ABCA5: variants seen among roughly 807,000 people sequenced by gnomAD.
ABCA5 encodes the protein ATP binding cassette subfamily A member 5, also known as cholesterol transporter ABCA5.
A neutral mutation model predicts 206.0 loss-of-function variants in ABCA5; 163 were observed. The ratio of observed to expected loss-of-function variants is 0.79; its 90% CI spans 0.70 to 0.90. ABCA5 has a LOEUF of 0.90. Ranked by LOEUF, ABCA5 falls within the 40% of genes least tolerant of loss-of-function variation. The pLI, the probability that ABCA5 is intolerant of heterozygous loss-of-function variation, is 0.00. For synonymous variants in ABCA5, 609 were observed against 613.8 expected (o/e 0.99, Z 0.11); for missense variants, 1,859 against 1,912.9 (o/e 0.97, Z 0.53).
At position 69,301,476 on chromosome 17, in the gene ABCA5, G is replaced by A. The variant is rs79001967; in HGVS notation, c.1120-190C>T. 1.9e-3 allele frequency among the ~76,000 whole-genome samples: 294 copies of A among 152,148 alleles called. 2 individuals carry two copies. The highest frequency in any genetic ancestry group is 6.7e-3 in the African/African-American group (278 of 41,530). ...CAATAAAGACTTTACAAAAATGTAA[G>A]TTTATCAAACCAATTCCTTTCAATC... On this transcript the variant is annotated intron_variant, in intron 8 of 38. Transcript: ENST00000392676.
rs1377577578 is a variant in ABCA5, at chr17:69,260,372, T to C, written c.3605A>G (p.Asn1202Ser). The change falls in exon 27 of 39, where the codon AAT (asparagine) becomes AGT (serine). Residue 1202 changes from asparagine to serine, a missense_variant. Physicochemically the swap from Asn to Ser is conservative, Grantham distance 46. Coordinates refer to ENST00000392676, the MANE Select transcript of ABCA5 (RefSeq NM_172232.4). ...AGCTACTGAAAGCCTATCCCATGGA[T>C]TATAGGTGTCCACATTTTTTCGTAC... ...KNVRKNVDTY[N>S]PWDRLSVAVI... 1 of 1,608,778 alleles carries C rather than the reference T, an allele frequency of 6.2e-7. No homozygotes were observed.
chr17:69,256,796 A>G (rs2075088424), intron 28 of ABCA5, among the ~76,000 whole-genome samples: 1 of 152,026 alleles, frequency 6.6e-6, no homozygotes, highest in African/African-American at 2.4e-5. Context: ...TTTGGACGAT[A>G]TTATCTAAAT....
rs143827956 is a variant in ABCA5 at position 69,303,636 on chromosome 17, A to C, written c.931-730T>G. On this transcript the variant is annotated intron_variant, in intron 7 of 38. Coordinates refer to ENST00000392676, the MANE Select transcript of ABCA5 (RefSeq NM_172232.4). ...AAAACAGTTTAAAAAGAAAAAAAAAACCAGAAGGCCTGCTGCAGTGGCTCG... is the reference window on the plus strand; with the variant it reads ...AAAACAGTTTAAAAAGAAAAAAAAACCCAGAAGGCCTGCTGCAGTGGCTCG... Among the ~76,000 whole-genome samples the C allele has an allele frequency of 1.3e-4, 18 of 143,456 alleles. No individual in the cohort carries two copies. In the South Asian group the frequency reaches 1.8e-3, roughly 14 times the overall value. 94.1% of individuals were successfully genotyped at this position (143,456 alleles called of 152,430 possible). A position where few individuals can be genotyped will look rare whatever the true frequency, so the allele number is the denominator to read the frequency against.
intron 23 of ABCA5, among the ~76,000 whole-genome samples, chr17:69,267,247 C>T (rs2075220692): frequency 6.6e-6 from 1 of 152,012 alleles, no homozygotes. Context: ...TTAATTTAGA[C>T]AAATTTGTTT....
At chr17:69,282,409 T>A (rs2075403945) in intron 18 of ABCA5, among the ~76,000 whole-genome samples, 1 of 152,114 alleles carries the variant, frequency 6.6e-6, no homozygotes, top group African/African-American at 2.4e-5. Flanking sequence ...GTGAGTAACT[T>A]CCAAATCTGT....
chr17:69,278,560 G>A (rs1231864139), intron 18 of ABCA5, among the ~76,000 whole-genome samples: 1 of 152,122 alleles, frequency 6.6e-6, no homozygotes, highest in Non-Finnish European at 1.5e-5. Context: ...GGATTACTGA[G>A]GTTGTACATG....
At chr17:69,307,167 T>G (rs550070474) in intron 5 of ABCA5, among the ~76,000 whole-genome samples, 1 of 152,018 alleles carries the variant, frequency 6.6e-6, no homozygotes, top group African/African-American at 2.4e-5. Flanking sequence ...ACCATAAAGT[T>G]TAAAGTTTAA....
Position 69,301,280 on chromosome 17 carries a change from G to C in ABCA5, c.1126C>G (p.His376Asp). ...TFVIGIAQVM[H>D]LEDFNEGASF... Reference sequence around the variant, plus strand: ...GCACCTTCATTAAAATCTTCTAAATGCATGACCTGAAAAATACAAACACTA... The same window carrying C: ...GCACCTTCATTAAAATCTTCTAAATCCATGACCTGAAAAATACAAACACTA... Residue 376 changes from histidine to aspartate, a missense_variant, in exon 9 of 39, where the codon CAT (histidine) becomes GAT (aspartate). By Grantham distance (81) the His-to-Asp change is moderately conservative. Transcript: ENST00000392676. The C allele has an allele frequency of 6.3e-7, 1 of 1,585,642 alleles. No homozygotes were observed. Among genetic ancestry groups the C allele is most frequent in the Non-Finnish European group, 8.5e-7 (1 of 1,173,300 alleles).
rs1393600443 is a variant in ABCA5, at chr17:69,326,676, G to A, written c.-16+376C>T. ...TATTTGTTTTCCTTCTTTCCCTGAG[G>A]TTGCTGAGGGTGGAACGACAGCGTC... On this transcript the variant is annotated intron_variant, in intron 1 of 38. Transcript: ENST00000392676. This position sits in a 1 kb window ranked among gnomAD's most constrained non-coding sequence, Gnocchi z 4.8. Among the ~76,000 whole-genome samples the A allele has an allele frequency of 6.6e-6, 1 of 152,184 alleles. No individual in the cohort carries two copies. The highest frequency in any genetic ancestry group is 1.5e-5 in the Non-Finnish European group (1 of 68,032).
chr17:69,269,408 T>G (rs2075247197), intron 22 of ABCA5, among the ~76,000 whole-genome samples: 1 of 152,198 alleles, frequency 6.6e-6, no homozygotes, highest in African/African-American at 2.4e-5. Flanking sequence ...GTTTGAAATA[T>G]TTCATAATAT....
At chr17:69,261,091 T>G (rs2075141658) in intron 26 of ABCA5, 34 bp downstream of exon 26, 2 of 1,481,884 alleles carry the variant, frequency 1.3e-6, no homozygotes, top group Non-Finnish European at 1.8e-6. Flanking sequence ...TTATTTTATG[T>G]TTTTTAACAT....
At chr17:69,301,110 A>G (rs2075647869) in intron 9 of ABCA5, 29 bp downstream of exon 9, 3 of 1,490,162 alleles carry the variant, frequency 2.0e-6, no homozygotes, top group South Asian at 1.5e-5. Context: ...AAAAATCTTT[A>G]AAGTAAAATT....
intron 5 of ABCA5, among the ~76,000 whole-genome samples, chr17:69,307,824 C>A (rs999697130): frequency 1.3e-5 from 2 of 152,074 alleles, no homozygotes; most frequent in South Asian, 4.1e-4. Flanking sequence ...TTCATACATA[C>A]TTTAAACGTA....
Position 69,246,317 on chromosome 17 carries a change from T to C in ABCA5, c.*1220A>G, listed in dbSNP as rs1001931215. The stretch of plus-strand genomic sequence containing the variant: ...TAATCACACTCTCAATATATTTGTT[T>C]TATGAAGTTAATACTTTCATTTGGT... On this transcript the variant is annotated 3_prime_UTR_variant, in exon 39 of 39. Coordinates refer to ENST00000392676, the MANE Select transcript of ABCA5 (RefSeq NM_172232.4). 6.6e-6 allele frequency: 1 copy of C among 152,020 alleles called. No individual in the cohort carries two copies. Among genetic ancestry groups the C allele is most frequent in the East Asian group, 1.9e-4 (1 of 5,208 alleles). 9.4% of individuals were successfully genotyped at this position (152,020 alleles called of 1,614,324 possible).
In ABCA5 at chr17:69,271,646, GCTGCTGCTGCTGCCACCA is replaced by G. The variant is rs1191077198; in HGVS notation, c.2765-375_2765-358del. Among the ~76,000 whole-genome samples, 6 of 151,158 alleles carry G rather than the reference GCTGCTGCTGCTGCCACCA, an allele frequency of 4.0e-5. No homozygotes were observed. In the East Asian group the frequency reaches 7.8e-4, roughly 20 times the overall value. ...AGTAACTGCGCATATTTTAGCTGCT[GCTGCTGCTGCTGCCACCA>G]CTGCTGCTGCTGCTACAACTATTAT... On this transcript the variant is annotated intron_variant, in intron 20 of 38. Transcript: ENST00000392676.
At chr17:69,277,529 G>A (rs573871587) in intron 19 of ABCA5, 112 bp downstream of exon 19, 70 of 832,278 alleles carry the variant, frequency 8.4e-5, no homozygotes, top group Middle Eastern at 7.4e-4. Context: ...GTAATCTTTC[G>A]AAACTATATA....
In ABCA5 at chr17:69,277,791, G is replaced by T; in HGVS notation, c.2444C>A (p.Ser815Tyr). 1.9e-6 allele frequency: 3 copies of T among 1,582,134 alleles called. No individual in the cohort carries two copies. The highest frequency in any genetic ancestry group is 1.4e-5 in the African/African-American group (1 of 73,398). ...TAAGCTCTGTTCCATTTCATCAAAA[G>T]ATTTTGAATCCATTTCTTCCTCCAG... ...QPLEEEMDSK[S>Y]FDEMEQSLLI... Residue 815 changes from serine to tyrosine, a missense_variant, in exon 19 of 39, where the codon TCT (serine) becomes TAT (tyrosine). By Grantham distance (144) the Ser-to-Tyr change is moderately radical. Coordinates refer to ENST00000392676, the MANE Select transcript of ABCA5 (RefSeq NM_172232.4).
chr17:69,256,451 TCTTTC>T (rs1283763485), intron 28 of ABCA5, among the ~76,000 whole-genome samples, 168 bp from the exon 29 acceptor site: 1 of 151,224 alleles, frequency 6.6e-6, no homozygotes, highest in East Asian at 1.9e-4. Flanking sequence ...TTTCTTTCTT[TCTTTC>T]TTTTTTTTTT....
chr17:69,307,998 T>C (rs546450008), intron 5 of ABCA5, among the ~76,000 whole-genome samples: 19 of 152,180 alleles, frequency 1.2e-4, no homozygotes, highest in Non-Finnish European at 1.9e-4. Context: ...TTTGAATAGT[T>C]TGAATTCTAA....
Sources: allele counts gnomAD v4.1 joint callset (sites outside exome capture counted in the v4.1 genomes callset), GRCh38; gene constraint gnomAD v4.1.1; non-coding constraint Gnocchi (gnomAD v3.1); transcripts MANE v1.5; gene names NCBI Gene and HGNC (gene_info 2026-07-23, HGNC 2026-07-21).